The following FGFRL1 variants were observed in gnomAD, a reference collection of about 807,000 sequenced individuals.
FGFRL1 encodes the protein fibroblast growth factor receptor like 1.
In FGFRL1, 24 loss-of-function variants were observed where a neutral mutation model predicts 36.8. That is an observed-to-expected ratio of 0.65 (90% CI 0.47 to 0.92). FGFRL1 has a LOEUF of 0.92. FGFRL1 is among the 40% of genes least tolerant of loss of function. The pLI is 0.00. For missense variants in FGFRL1, 785 were observed against 753.4 expected (o/e 1.04, Z -0.49); for synonymous variants, 422 against 344.1 (o/e 1.23, Z -2.50).
chr4:1,012,402 G>A, intron 1 of FGFRL1, 68 bp from the exon 2 acceptor site: 1 of 1,550,594 alleles, frequency 6.4e-7, no homozygotes, highest in East Asian at 2.6e-5. Context: ...GATCCCCGCG[G>A]CCCGGGACCG....
Position 1,025,254 on chromosome 4 carries a change from C to G in FGFRL1, c.1422C>G (p.Leu474=). The G allele has an allele frequency of 1.9e-6, 3 of 1,606,262 alleles. No individual in the cohort carries two copies. Among genetic ancestry groups the G allele is most frequent in the South Asian group, 1.1e-5 (1 of 90,140 alleles). The change falls in exon 7 of 7, where the codon CTC becomes CTG. Residue 474 remains leucine (L), a synonymous_variant. Transcript: ENST00000510644. ...CTGGCCCTAAGTTGTACCCCAAACTCTACACAGACATCCACACACACACAC... is the reference window on the plus strand; with the variant it reads ...CTGGCCCTAAGTTGTACCCCAAACTGTACACAGACATCCACACACACACAC... ...PVAGPKLYPK[L]YTDIHTHTHT...
intron 2 of FGFRL1, among the ~76,000 whole-genome samples, chr4:1,015,484 G>A (rs577169315): frequency 2.2e-4 from 34 of 152,334 alleles, no homozygotes; most frequent in Non-Finnish European, 4.4e-4. Flanking sequence ...GCAGGGGATG[G>A]GAGAGGAGGG....
In FGFRL1 at chr4:1,024,682, C is replaced by T; in HGVS notation, c.1072+18C>T. 6.3e-7 allele frequency: 1 copy of T among 1,580,224 alleles called. No individual in the cohort carries two copies. Among genetic ancestry groups the T allele is most frequent in the South Asian group, 1.1e-5 (1 of 88,334 alleles). ...GCTGCCAGGTGCGCGGCTGCCACGC[C>T]ACGCCACACCATGCTGGTGCCCGGA... On this transcript the variant is annotated intron_variant, in intron 6 of 6. Coordinates refer to ENST00000510644, the MANE Select transcript of FGFRL1 (RefSeq NM_001004356.3).
At chr4:1,019,280 C>T (rs866775591) in intron 2 of FGFRL1, among the ~76,000 whole-genome samples, 1 of 152,244 alleles carries the variant, frequency 6.6e-6, no homozygotes, top group South Asian at 2.1e-4. Context: ...CCACCCAGGA[C>T]AGGGCCAGGC....
intron 2 of FGFRL1, among the ~76,000 whole-genome samples, chr4:1,020,479 G>C (rs1197214058): frequency 4.0e-5 from 6 of 151,750 alleles, no homozygotes; most frequent in Non-Finnish European, 4.4e-5. Flanking sequence ...GGTGCCCCGA[G>C]TTTCTGAGGC....
chr4:1,012,639 G>A, intron 2 of FGFRL1, 75 bp downstream of exon 2: 1 of 603,356 alleles, frequency 1.7e-6, no homozygotes, highest in South Asian at 3.1e-5. Context: ...CCTGAACCCT[G>A]CCACAGTGCC....
At chr4:1,018,092 G>A (rs1287765644) in intron 2 of FGFRL1, among the ~76,000 whole-genome samples, 1 of 152,166 alleles carries the variant, frequency 6.6e-6, no homozygotes, top group African/African-American at 2.4e-5. Flanking sequence ...AGGTGTTCGG[G>A]GAGCTGATAT....
At chr4:1,018,859 G>C (rs1300255056) in intron 2 of FGFRL1, among the ~76,000 whole-genome samples, 1 of 152,144 alleles carries the variant, frequency 6.6e-6, no homozygotes, top group Non-Finnish European at 1.5e-5. Context: ...GGGGGTCTTG[G>C]GCCGGCAACA....
chr4:1,017,824 C>T (rs774851175), intron 2 of FGFRL1, among the ~76,000 whole-genome samples: 14 of 152,174 alleles, frequency 9.2e-5, no homozygotes, highest in Non-Finnish European at 1.8e-4. Flanking sequence ...GCCACCTGGC[C>T]ACAGGAGGGA....
chr4:1,020,115 T>A (rs1371381113), intron 2 of FGFRL1, among the ~76,000 whole-genome samples: 2 of 152,212 alleles, frequency 1.3e-5, no homozygotes, highest in Admixed American at 1.3e-4. Flanking sequence ...AGCTGCTCCC[T>A]GAGTGTCTGA....
intron 2 of FGFRL1, among the ~76,000 whole-genome samples, chr4:1,016,340 G>T (rs1352447015): frequency 2.0e-5 from 3 of 152,162 alleles, no homozygotes; most frequent in African/African-American, 7.2e-5. Context: ...CGGCAGGCTG[G>T]GGTTTTGAGG....
chr4:1,013,850 C>T (rs573355167), intron 2 of FGFRL1, among the ~76,000 whole-genome samples: 4 of 152,400 alleles, frequency 2.6e-5, no homozygotes, highest in South Asian at 4.1e-4. Context: ...GACGCCCCAG[C>T]GGCCACCCCC....
chr4:1,011,046 C>G (rs1041525861), upstream of FGFRL1: 1 of 152,104 alleles, frequency 6.6e-6, no homozygotes, highest in African/African-American at 2.4e-5. Flanking sequence ...TACCCCGTCC[C>G]CAGCAGCTCC....
rs894026921 is a variant in FGFRL1 at position 1,023,536 on chromosome 4, G to T, written c.353-105G>T. Reference sequence around the variant, plus strand: ...GCAGCCCCCTGCCTGGGTGTCCAGGGCTGTCCCGGCTGGGGCTGGGGGAGC... The same window carrying T: ...GCAGCCCCCTGCCTGGGTGTCCAGGTCTGTCCCGGCTGGGGCTGGGGGAGC... On this transcript the variant is annotated intron_variant, in intron 3 of 6. Transcript: ENST00000510644. This position sits in a 1 kb window ranked among gnomAD's most constrained non-coding sequence, Gnocchi z 6.0. 1.7e-4 allele frequency: 175 copies of T among 1,047,606 alleles called. No individual in the cohort carries two copies. The highest frequency in any genetic ancestry group is 6.5e-4 in the South Asian group (47 of 72,534). The allele number at this position is 1,047,606 out of a possible 1,614,324, so 64.9% of individuals were successfully genotyped here.
chr4:1,013,826 C>T (rs771857766), intron 2 of FGFRL1, among the ~76,000 whole-genome samples: 6 of 152,282 alleles, frequency 3.9e-5, no homozygotes, highest in Admixed American at 6.5e-5. Context: ...CGGCAGAGCC[C>T]GCCTCTTCGT....
In FGFRL1 at chr4:1,011,629, GT is replaced by G. The variant is rs1715586684; in HGVS notation, c.-340del. 1.4e-5 allele frequency among the ~76,000 whole-genome samples: 2 copies of G among 140,530 alleles called. No individual in the cohort carries two copies. The highest frequency in any genetic ancestry group is 1.4e-4 in the Admixed American group (2 of 14,440). The allele number at this position is 140,530 out of a possible 152,430, so 92.2% of individuals were successfully genotyped here. A position where few individuals can be genotyped will look rare whatever the true frequency, so the allele number is the denominator to read the frequency against. ...CGGGCTCGGCGCTCGCTCCGGGAGAGTTGACAAAGCCCCGCAGGGAAGGACG... is the reference window on the plus strand; with the variant it reads ...CGGGCTCGGCGCTCGCTCCGGGAGAGTGACAAAGCCCCGCAGGGAAGGACG... On this transcript the variant is annotated 5_prime_UTR_variant, in exon 1 of 7. Transcript: ENST00000510644.
intron 2 of FGFRL1, among the ~76,000 whole-genome samples, chr4:1,017,452 T>C: frequency 6.6e-6 from 1 of 152,148 alleles, no homozygotes; most frequent in East Asian, 1.9e-4. Flanking sequence ...CCCACCCTGC[T>C]GTGTTGTTGA....
intron 2 of FGFRL1, among the ~76,000 whole-genome samples, chr4:1,013,106 G>A (rs950558320): frequency 4.6e-5 from 7 of 152,340 alleles, no homozygotes; most frequent in South Asian, 2.1e-4. Context: ...AGTGCCGGGC[G>A]GTTGTGTGGA....
At position 1,026,411 on chromosome 4, in the gene FGFRL1, C is replaced by T. The variant is rs1337134471; in HGVS notation, c.*1064C>T. 6.2e-6 allele frequency: 1 copy of T among 160,364 alleles called. No individual in the cohort carries two copies. Among genetic ancestry groups the T allele is most frequent in the Admixed American group, 6.5e-5 (1 of 15,440 alleles). 9.9% of individuals were successfully genotyped at this position (160,364 alleles called of 1,614,324 possible). A position where few individuals can be genotyped will look rare whatever the true frequency, so the allele number is the denominator to read the frequency against. Reference sequence around the variant, plus strand: ...GGACTTTCCCTGCTCCACCGTCACTCCCCCAACTCTGCCCGCCTCTGTCCC... The same window carrying T: ...GGACTTTCCCTGCTCCACCGTCACTTCCCCAACTCTGCCCGCCTCTGTCCC... On this transcript the variant is annotated 3_prime_UTR_variant, in exon 7 of 7. Coordinates refer to ENST00000510644, the MANE Select transcript of FGFRL1 (RefSeq NM_001004356.3).
Sources: gnomAD v4.1 joint callset for allele counts (sites outside exome capture counted in the v4.1 genomes callset) on GRCh38, gnomAD v4.1.1 for gene constraint, Gnocchi (gnomAD v3.1) non-coding constraint, MANE v1.5 for transcripts, NCBI Gene and HGNC (gene_info 2026-07-23, HGNC 2026-07-21) for gene names.